The following THOC3 variants were observed in gnomAD, a reference collection of about 807,000 sequenced individuals.
The protein encoded by THOC3 is THO complex subunit 3, also known as TEX1 homolog.
In THOC3, 4 loss-of-function variants were observed where a neutral mutation model predicts 23.3. The observed-to-expected ratio is 0.17, with a 90% CI of 0.08 to 0.39. The LOEUF is 0.39. Ranked by LOEUF, THOC3 falls within the 10% of genes least tolerant of loss-of-function variation. THOC3 has a pLI of 1.00. For missense variants in THOC3, 64 were observed against 359.4 expected, an observed-to-expected ratio of 0.18 and a Z score of 6.65; for synonymous variants, 27 against 141.5, an observed-to-expected ratio of 0.19 and a Z score of 5.74.
Position 175,960,375 on chromosome 5 carries a change from G to A in THOC3, c.893-243C>T, listed in dbSNP as rs543146520. On this transcript the variant is annotated intron_variant, in intron 5 of 5. Transcript: ENST00000265097. ...GGTCACTGAGCAGGAAAGTGTCTCC[G>A]CGTCACAGGGACATGCAGTTACATG... 6.3e-4 allele frequency: 157 copies of A among 247,516 alleles called. 1 individual carries two copies. Among genetic ancestry groups the A allele is most frequent in the South Asian group, 5.4e-3 (111 of 20,552 alleles). 15.3% of individuals were successfully genotyped at this position (247,516 alleles called of 1,614,324 possible).
chr5:175,963,351 G>A (rs1756702393), intron 3 of THOC3, among the ~76,000 whole-genome samples: 1 of 152,210 alleles, frequency 6.6e-6, no homozygotes, highest in Non-Finnish European at 1.5e-5. Flanking sequence ...TAATTTAAGA[G>A]ATACAAAAGA....
Position 175,968,131 on chromosome 5 carries a change from T to G in THOC3, c.78A>C (p.Ser26=). ...CGTAGCGCGACGGGCCGCTGCTCAC[T>G]GAGCACCACGGGGCCATCGAGCCGG... is the stretch of plus-strand genomic sequence containing the variant. ...SGPGSMAPWC[S]VSSGPSRYVL... is the part of the protein sequence containing the mutation. Residue 26 remains serine, a synonymous_variant, in exon 1 of 6, where the codon TCA becomes TCC. Coordinates refer to ENST00000265097, the MANE Select transcript of THOC3 (RefSeq NM_032361.4). The G allele has an allele frequency of 6.2e-7, 1 of 1,606,230 alleles. No individual in the cohort carries two copies. The highest frequency in any genetic ancestry group is 1.1e-5 in the South Asian group (1 of 90,178).
rs148500590 is a variant in THOC3, at chr5:175,965,003, C to T, written c.577G>A (p.Asp193Asn). Residue 193 changes from aspartate to asparagine, a missense_variant, in exon 3 of 6, where the codon GAC becomes AAC. By Grantham distance (23) the Asp-to-Asn change is conservative. Coordinates refer to ENST00000265097, the MANE Select transcript of THOC3 (RefSeq NM_032361.4). ...TTTGTCAGGAAGAACATATTATTGTCATTGTTCCAGGAGATTTCGTTGACC... is the reference window on the plus strand; with the variant it reads ...TTTGTCAGGAAGAACATATTATTGTTATTGTTCCAGGAGATTTCGTTGACC... ...FEVNEISWNN[D>N]NNMFFLTNGN... 0.028 allele frequency: 38,952 copies of T among 1,392,846 alleles called. No homozygotes were observed. Among genetic ancestry groups the T allele is most frequent in the East Asian group, 0.12 (4,897 of 42,470 alleles). 86.3% of individuals were successfully genotyped at this position (1,392,846 alleles called of 1,614,324 possible).
Position 175,968,249 on chromosome 5 carries a change from C to A in THOC3, c.-41G>T. 6.5e-7 allele frequency: 1 copy of A among 1,539,082 alleles called. No homozygotes were observed. On this transcript the variant is annotated 5_prime_UTR_variant, in exon 1 of 6. The change creates a new upstream start codon in the 5' untranslated region. Coordinates refer to ENST00000265097, the MANE Select transcript of THOC3 (RefSeq NM_032361.4). ...TTCCAACTCACAACACTGCAGCAGC[C>A]TCCACGGCGCAGTCAGTCCTGGCGC...
In THOC3 at chr5:175,961,167, G is replaced by A. The variant is rs769146609; in HGVS notation, c.792-16C>T. On this transcript the variant is annotated splice_polypyrimidine_tract_variant and intron_variant, in intron 4 of 5. Coordinates refer to ENST00000265097, the MANE Select transcript of THOC3 (RefSeq NM_032361.4). ...CCAATCCAGCCTATGATACAGAGTG[G>A]ACAGAAGAGACAAGAGAATTACCAA... 4 of 435,256 alleles carry A rather than the reference G, an allele frequency of 9.2e-6. 1 individual carries two copies. The highest frequency in any genetic ancestry group is 1.2e-5 in the Non-Finnish European group (3 of 248,334). 27.0% of individuals were successfully genotyped at this position (435,256 alleles called of 1,614,324 possible).
At chr5:175,965,420 G>A (rs1253098579) in intron 2 of THOC3, among the ~76,000 whole-genome samples, 12 of 152,200 alleles carry the variant, frequency 7.9e-5, no homozygotes, top group African/African-American at 2.9e-4. Flanking sequence ...TATAGATGAA[G>A]GAAATAGGAG....
intron 2 of THOC3, among the ~76,000 whole-genome samples, chr5:175,965,725 A>G (rs187779679): frequency 1.9e-4 from 28 of 151,050 alleles, no homozygotes; most frequent in East Asian, 1.2e-3. Context: ...GTGCCCGGCC[A>G]AGCCAAGATT....
chr5:175,965,256 C>T, intron 2 of THOC3, 101 bp from the exon 3 acceptor site: 1 of 1,541,248 alleles, frequency 6.5e-7, no homozygotes, highest in Non-Finnish European at 8.8e-7. Flanking sequence ...TTCTTCCGGG[C>T]TTACTCATTA....
At chr5:175,965,236 G>C (rs1455352464) in intron 2 of THOC3, 81 bp from the exon 3 acceptor site, 30 of 1,583,468 alleles carry the variant, frequency 1.9e-5, no homozygotes, top group Non-Finnish European at 2.6e-5. Flanking sequence ...CTAGAAAGAA[G>C]ACCAGAGCTT....
intron 3 of THOC3, among the ~76,000 whole-genome samples, chr5:175,963,034 C>T (rs1375671445): frequency 1.3e-5 from 2 of 152,210 alleles, no homozygotes; most frequent in African/African-American, 4.8e-5. Context: ...GAGATGGAAA[C>T]ACACCAACTA....
chr5:175,961,962 T>TA (rs1474114816), intron 3 of THOC3, among the ~76,000 whole-genome samples: 2 of 150,240 alleles, frequency 1.3e-5, no homozygotes, highest in Non-Finnish European at 3.0e-5. Context: ...GAGCTTCAAT[T>TA]AAAAAAATGA....
chr5:175,964,941 A>ACC lies in THOC3; in HGVS notation c.629+8_629+9dup. 1 of 1,018,514 alleles carries ACC rather than the reference A, an allele frequency of 9.8e-7. No individual in the cohort carries two copies. The highest frequency in any genetic ancestry group is 1.5e-5 in the South Asian group (1 of 67,282). The allele number at this position is 1,018,514 out of a possible 1,614,324, so 63.1% of individuals were successfully genotyped here. A position where few individuals can be genotyped will look rare whatever the true frequency, so the allele number is the denominator to read the frequency against. The stretch of plus-strand genomic sequence containing the variant: ...AAGACATGACAGTCCCCTAAGCTAG[A>ACC]CCCCCTCACCTGAGGATGTTGATAC... On this transcript the variant is annotated intron_variant, in intron 3 of 5. Coordinates refer to ENST00000265097, the MANE Select transcript of THOC3 (RefSeq NM_032361.4).
chr5:175,964,444 C>A (rs553056640), intron 3 of THOC3, among the ~76,000 whole-genome samples: 3 of 152,364 alleles, frequency 2.0e-5, no homozygotes, highest in African/African-American at 7.2e-5. Context: ...CATGGAGAAA[C>A]CCTAAACTAC....
chr5:175,962,935 G>A (rs536610532), intron 3 of THOC3, among the ~76,000 whole-genome samples: 118 of 151,950 alleles, frequency 7.8e-4, no homozygotes, highest in African/African-American at 2.5e-3. Context: ...ATGGGATTAT[G>A]TCAAAAAAGG....
At position 175,968,108 on chromosome 5, in the gene THOC3, T is replaced by G; in HGVS notation, c.101A>C (p.Tyr34Ser). The change falls in exon 1 of 6, where the codon TAC becomes TCC. Residue 34 changes from tyrosine to serine, a missense_variant. By Grantham distance (144) the Tyr-to-Ser change is moderately radical (BLOSUM62 -2). Transcript: ENST00000265097. ...GAACAGCTCCTGCATCCCAAGCACG[T>G]AGCGCGACGGGCCGCTGCTCACTGA... is the stretch of plus-strand genomic sequence containing the variant. Reference protein sequence around the residue: ...WCSVSSGPSRYVLGMQELFRG... With the variant: ...WCSVSSGPSRSVLGMQELFRG... 6.2e-7 allele frequency: 1 copy of G among 1,609,500 alleles called. No homozygotes were observed. The highest frequency in any genetic ancestry group is 8.5e-7 in the Non-Finnish European group (1 of 1,178,790).
intron 3 of THOC3, among the ~76,000 whole-genome samples, chr5:175,961,822 T>C (rs62389982): frequency 0.033 from 4,981 of 151,872 alleles, 55 homozygotes; most frequent in Middle Eastern, 0.058. Context: ...TCAAATATAA[T>C]GATACAAACA....
At chr5:175,967,825 CA>C in intron 1 of THOC3, 116 bp downstream of exon 1, 1 of 987,534 alleles carries the variant, frequency 1.0e-6, no homozygotes, top group Non-Finnish European at 1.5e-6. Context: ...CCCCTTCCCT[CA>C]AACCCACTCT....
intron 3 of THOC3, among the ~76,000 whole-genome samples, 199 bp from the exon 4 acceptor site, chr5:175,961,633 G>T (rs1292561197): frequency 7.3e-5 from 11 of 151,598 alleles, no homozygotes; most frequent in Non-Finnish European, 1.5e-4. Flanking sequence ...CAGAACCAAA[G>T]TTACCAACAT....
chr5:175,961,847 G>A (rs1394017257), intron 3 of THOC3, among the ~76,000 whole-genome samples: 2 of 152,050 alleles, frequency 1.3e-5, no homozygotes, highest in Non-Finnish European at 2.9e-5. Flanking sequence ...GCACAATAAC[G>A]TTTTATAAAA....
Sources: allele counts gnomAD v4.1 joint callset (sites outside exome capture counted in the v4.1 genomes callset), GRCh38; gene constraint gnomAD v4.1.1; transcripts MANE v1.5; gene names NCBI Gene and HGNC (gene_info 2026-07-23, HGNC 2026-07-21).